The following STK32A variants were observed in gnomAD, a reference collection of about 807,000 sequenced individuals.
STK32A encodes serine/threonine-protein kinase 32A.
In STK32A, 41 loss-of-function variants were observed where a neutral mutation model predicts 53.2. The observed-to-expected ratio is 0.77, with a 90% CI of 0.60 to 1.00. STK32A has a LOEUF of 1.00. STK32A is among the 50% of genes least tolerant of loss of function. STK32A has a pLI of 0.00. For synonymous variants in STK32A, 166 were observed against 162.8 expected (o/e 1.02, Z -0.15); for missense variants, 458 against 485.8 (o/e 0.94, Z 0.54).
chr5:147,259,951 CCT>C (rs749863960), intron 2 of STK32A, among the ~76,000 whole-genome samples: 216 of 144,380 alleles, frequency 1.5e-3, no homozygotes, highest in South Asian at 3.5e-3. Flanking sequence ...CTCTCTCTCT[CCT>C]CTCTGTCTCT....
At chr5:147,395,268 AG>A in the STK32A span, among the ~76,000 whole-genome samples, 1 of 152,214 alleles carries the variant, frequency 6.6e-6, no homozygotes, top group East Asian at 1.9e-4. Flanking sequence ...CAATTCATAG[AG>A]GGGACCAGCT....
chr5:147,325,845 C>T (rs1456040296), intron 5 of STK32A, among the ~76,000 whole-genome samples: 3 of 152,150 alleles, frequency 2.0e-5, no homozygotes, highest in African/African-American at 7.2e-5. Flanking sequence ...TCAAAACTTT[C>T]CTGCTCGTTC....
At chr5:147,329,815 C>T (rs556738420) in intron 5 of STK32A, among the ~76,000 whole-genome samples, 1 of 152,322 alleles carries the variant, frequency 6.6e-6, no homozygotes, top group African/African-American at 2.4e-5. Context: ...TCTCCAGCAA[C>T]TTGCACTGGA....
chr5:147,279,311 A>C lies in STK32A; in HGVS notation c.173A>C (p.Lys58Thr), dbSNP rs35852718. 3.1e-6 allele frequency: 5 copies of C among 1,613,876 alleles called. No homozygotes were observed. The highest frequency in any genetic ancestry group is 1.1e-5 in the South Asian group (1 of 91,078). The change falls in exon 4 of 13, where the codon AAG becomes ACG. Residue 58 changes from lysine to threonine, a missense_variant. Transcript: ENST00000397936. ...GCAATGAAGTACATGAATAAACAAA[A>C]GTGCGTGGAGCGCAATGAAGTGAGA... ...MYAMKYMNKQ[K>T]CVERNEVRNV... is the part of the protein sequence containing the mutation.
intron 6 of STK32A, among the ~76,000 whole-genome samples, chr5:147,349,408 G>A (rs1755850715): frequency 6.6e-6 from 1 of 152,168 alleles, no homozygotes; most frequent in South Asian, 2.1e-4. Context: ...AATTACAGCT[G>A]TATCTCATCA....
chr5:147,260,193 CT>C lies in STK32A; in HGVS notation c.53-17930del, dbSNP rs1754470884. Among the ~76,000 whole-genome samples the C allele has an allele frequency of 3.0e-5, 2 of 66,872 alleles. 1 individual carries two copies. The highest frequency in any genetic ancestry group is 6.0e-5 in the Non-Finnish European group (2 of 33,532). The allele number at this position is 66,872 out of a possible 152,430, so 43.9% of individuals were successfully genotyped here. A position where few individuals can be genotyped will look rare whatever the true frequency, so the allele number is the denominator to read the frequency against. The stretch of plus-strand genomic sequence containing the variant: ...TCTCTCTCTCTCCTCTCTCTCTCCT[CT>C]CTCTCTCCTCTCTCTCTCCTCTCTC... On this transcript the variant is annotated intron_variant, in intron 2 of 12. Transcript: ENST00000397936.
chr5:147,357,457 T>C (rs1756301430), intron 7 of STK32A, among the ~76,000 whole-genome samples: 1 of 152,158 alleles, frequency 6.6e-6, no homozygotes, highest in Non-Finnish European at 1.5e-5. Context: ...CCAATAGTTC[T>C]TATTGATTAT....
chr5:147,383,442 C>T lies in STK32A; in HGVS notation c.1034C>T (p.Thr345Ile), dbSNP rs1204173131. 2 of 1,595,268 alleles carry T rather than the reference C, an allele frequency of 1.3e-6. No homozygotes were observed. Among genetic ancestry groups the T allele is most frequent in the African/African-American group, 1.3e-5 (1 of 74,724 alleles). The change falls in exon 12 of 13, where the codon ACA becomes ATA. Residue 345 changes from threonine to isoleucine, a missense_variant and splice_region_variant. Transcript: ENST00000397936. The part of the protein sequence containing the change: ...KDMRKCDSSQ[T>I]CLLQEHLDSV... Reference sequence around the variant, plus strand: ...TTTTTTTCTACGTTCACCTGGAAGACATGTCTTCTTCAAGAGCACCTTGAC... The same window carrying T: ...TTTTTTTCTACGTTCACCTGGAAGATATGTCTTCTTCAAGAGCACCTTGAC...
chr5:147,381,925 G>A (rs2152008423), intron 11 of STK32A, among the ~76,000 whole-genome samples: 1 of 152,148 alleles, frequency 6.6e-6, no homozygotes, highest in Middle Eastern at 3.4e-3. Context: ...ATTGTCTTAG[G>A]CCACACATAA....
In STK32A at chr5:147,370,763, T is replaced by C. The variant is rs926595749; in HGVS notation, c.770T>C (p.Leu257Pro). The change falls in exon 9 of 13, where the codon CTT becomes CCT. Residue 257 changes from leucine to proline, a missense_variant. Leu to Pro is a moderately conservative substitution (Grantham distance 98). Transcript: ENST00000397936. ...SAWSQEMVSLLKKLLEPNPDQ... is the reference protein window; with the variant it reads ...SAWSQEMVSLPKKLLEPNPDQ... The stretch of plus-strand genomic sequence containing the variant: ...TGGTCACAGGAAATGGTGTCACTTC[T>C]TAAAAAGGTAAGAAGGAAGACTGCA... The C allele has an allele frequency of 5.0e-6, 8 of 1,606,570 alleles. No homozygotes were observed. In the African/African-American group the frequency reaches 1.1e-4, roughly 21 times the overall value.
At chr5:147,246,414 T>A (rs1753768219) in intron 2 of STK32A, among the ~76,000 whole-genome samples, 1 of 152,186 alleles carries the variant, frequency 6.6e-6, no homozygotes, top group Admixed American at 6.5e-5. Flanking sequence ...CTCAAACAAA[T>A]TTAGGAAAGT....
chr5:147,373,430 G>A, intron 10 of STK32A, 136 bp downstream of exon 10: 1 of 1,233,820 alleles, frequency 8.1e-7, no homozygotes, highest in Non-Finnish European at 1.1e-6. Context: ...ACAGATGAGA[G>A]AATTGAGACA....
At chr5:147,280,697 C>T (rs1394548360) in intron 4 of STK32A, among the ~76,000 whole-genome samples, 6 of 152,018 alleles carry the variant, frequency 3.9e-5, no homozygotes, top group African/African-American at 1.4e-4. Context: ...GATGGTCCTT[C>T]CTACTCACTC....
chr5:147,265,240 C>G (rs4705152), intron 2 of STK32A, among the ~76,000 whole-genome samples: 44,596 of 150,914 alleles, frequency 0.3, 6,966 homozygotes, highest in African/African-American at 0.36. Flanking sequence ...GTAAATGGTA[C>G]AGCTAGGATT....
intron 4 of STK32A, among the ~76,000 whole-genome samples, chr5:147,291,551 TA>T (rs369226227): frequency 0.037 from 5,434 of 145,474 alleles, 313 homozygotes; most frequent in African/African-American, 0.13. Flanking sequence ...CAATTACAAT[TA>T]AAAAAAAAAA....
chr5:147,313,489 A>T (rs1753805100), intron 4 of STK32A, among the ~76,000 whole-genome samples: 2 of 152,218 alleles, frequency 1.3e-5, no homozygotes, highest in African/African-American at 2.4e-5. Flanking sequence ...CTGTGGCCTC[A>T]AATTTATCTG....
At chr5:147,266,217 G>A (rs1039778186) in intron 2 of STK32A, among the ~76,000 whole-genome samples, 11 of 152,172 alleles carry the variant, frequency 7.2e-5, no homozygotes, top group Admixed American at 7.2e-4. Context: ...GAGAGTTGGC[G>A]GTTGTGAAGC....
chr5:147,260,696 C>G (rs1236945104), intron 2 of STK32A, among the ~76,000 whole-genome samples: 1 of 152,126 alleles, frequency 6.6e-6, no homozygotes, highest in Non-Finnish European at 1.5e-5. Context: ...ACTTCCCACT[C>G]GTTCTGTCCT....
intron 11 of STK32A, 69 bp from the exon 12 acceptor site, chr5:147,383,372 T>C: frequency 1.5e-6 from 2 of 1,292,280 alleles, no homozygotes; most frequent in Non-Finnish European, 1.1e-6. Context: ...CACCAGGTTA[T>C]TGGCTGTTTG....
Sources: gnomAD v4.1 joint callset for allele counts (sites outside exome capture counted in the v4.1 genomes callset) on GRCh38, gnomAD v4.1.1 for gene constraint, MANE v1.5 for transcripts, NCBI Gene and HGNC (gene_info 2026-07-23, HGNC 2026-07-21) for gene names.